The following SHC4 variants were observed in gnomAD, a reference collection of about 807,000 sequenced individuals.
SHC4 encodes SHC-transforming protein 4.
In SHC4, 41 loss-of-function variants were observed where a neutral mutation model predicts 69.4. The ratio of observed to expected loss-of-function variants is 0.59; its 90% CI spans 0.46 to 0.77. The LOEUF (loss-of-function observed/expected upper bound fraction) is 0.77, where lower values mean the gene tolerates loss of function less well. Ranked by LOEUF, SHC4 falls within the 30% of genes least tolerant of loss-of-function variation. The pLI is 0.00. For missense variants in SHC4, 777 were observed against 783.8 expected (o/e 0.99, Z 0.10); for synonymous variants, 318 against 299.3 (o/e 1.06, Z -0.64).
At position 48,963,154 on chromosome 15, in the gene SHC4, C is replaced by T; in HGVS notation, c.-139G>A. ...TCTCCAACTCTGCTCTCGAGCTCGC[C>T]CACCTCGGCTCCCGGCCCCTTAAGG... On this transcript the variant is annotated 5_prime_UTR_variant, in exon 1 of 12. Coordinates refer to ENST00000332408, the MANE Select transcript of SHC4 (RefSeq NM_203349.4). 1 of 879,818 alleles carries T rather than the reference C, an allele frequency of 1.1e-6. No individual in the cohort carries two copies. The highest frequency in any genetic ancestry group is 1.7e-6 in the Non-Finnish European group (1 of 588,934). 54.5% of individuals were successfully genotyped at this position (879,818 alleles called of 1,614,324 possible). A position where few individuals can be genotyped will look rare whatever the true frequency, so the allele number is the denominator to read the frequency against.
chr15:48,910,085 G>C (rs186291615), intron 2 of SHC4, among the ~76,000 whole-genome samples: 1 of 152,168 alleles, frequency 6.6e-6, no homozygotes, highest in East Asian at 1.9e-4. Flanking sequence ...GAATTAACAA[G>C]GTATGCTTCT....
chr15:48,844,268 CATT>C (rs1452663994), intron 9 of SHC4, among the ~76,000 whole-genome samples: 1 of 152,192 alleles, frequency 6.6e-6, no homozygotes, highest in Non-Finnish European at 1.5e-5. Context: ...CTATTCTACA[CATT>C]GTAGCCCAAA....
intron 9 of SHC4, among the ~76,000 whole-genome samples, chr15:48,848,605 T>C (rs894210679): frequency 2.6e-5 from 4 of 152,212 alleles, no homozygotes; most frequent in Non-Finnish European, 4.4e-5. Context: ...CAAACTTTTA[T>C]TAAAGTCTGT....
At chr15:48,908,548 A>G (rs970365024) in intron 2 of SHC4, among the ~76,000 whole-genome samples, 1 of 152,070 alleles carries the variant, frequency 6.6e-6, no homozygotes, top group Non-Finnish European at 1.5e-5. Context: ...AAAGCTCTTT[A>G]GTTTAATTAG....
intron 1 of SHC4, among the ~76,000 whole-genome samples, chr15:48,942,331 G>T (rs1013277666): frequency 4.6e-5 from 7 of 152,042 alleles, no homozygotes; most frequent in Non-Finnish European, 8.8e-5. Context: ...TAAGCTATTC[G>T]ATCACAAACA....
chr15:48,834,085 G>A (rs80091929), intron 11 of SHC4, among the ~76,000 whole-genome samples: 6,275 of 152,136 alleles, frequency 0.041, 271 homozygotes, highest in East Asian at 0.21. Flanking sequence ...CCCACTGCCT[G>A]GCAAATTAGG....
intron 11 of SHC4, among the ~76,000 whole-genome samples, chr15:48,832,945 T>C (rs567072836): frequency 2.0e-5 from 3 of 152,206 alleles, no homozygotes; most frequent in Admixed American, 6.5e-5. Context: ...ACTTTGTTCA[T>C]GGATGGTATT....
Position 48,962,524 on chromosome 15 carries a change from C to T in SHC4, c.492G>A (p.Pro164=). 6 of 1,589,058 alleles carry T rather than the reference C, an allele frequency of 3.8e-6. No homozygotes were observed. The highest frequency in any genetic ancestry group is 1.2e-5 in the South Asian group (1 of 86,914). Residue 164 remains proline (P), a synonymous_variant, in exon 1 of 12, where the codon CCG becomes CCA. Transcript: ENST00000332408. ...RATALTPDSC[P]LPGPGEPTLR... Reference sequence around the variant, plus strand: ...GTGTTGGCTCCCCAGGGCCAGGAAGCGGGCACGAATCAGGGGTTAGGGCGG... The same window carrying T: ...GTGTTGGCTCCCCAGGGCCAGGAAGTGGGCACGAATCAGGGGTTAGGGCGG...
rs372332243 is a variant in SHC4 at position 48,896,460 on chromosome 15, A to C, written c.657-5649T>G. Among the ~76,000 whole-genome samples the C allele has an allele frequency of 1.9e-4, 29 of 152,118 alleles. No individual in the cohort carries two copies. In the East Asian group the frequency reaches 2.3e-3, roughly 12 times the overall value. On this transcript the variant is annotated intron_variant, in intron 2 of 11. Coordinates refer to ENST00000332408, the MANE Select transcript of SHC4 (RefSeq NM_203349.4). ...CTCAGCCTCCCAAGTAGCTGGAATT[A>C]CAGGTGCCTGCCACCATGCCCGGCT...
intron 1 of SHC4, among the ~76,000 whole-genome samples, chr15:48,955,138 C>A (rs1013416565): frequency 6.6e-6 from 1 of 152,082 alleles, no homozygotes; most frequent in Non-Finnish European, 1.5e-5. Flanking sequence ...TGTCCCTTTG[C>A]GTAAAAGAAA....
At chr15:48,875,914 T>A (rs140867360) in intron 4 of SHC4, among the ~76,000 whole-genome samples, 55 of 152,310 alleles carry the variant, frequency 3.6e-4, no homozygotes, top group African/African-American at 1.1e-3. Flanking sequence ...ATCAACCATA[T>A]TATACATGCC....
chr15:48,855,871 T>C, intron 8 of SHC4, 82 bp downstream of exon 8: 1 of 1,426,128 alleles, frequency 7.0e-7, no homozygotes, highest in Non-Finnish European at 9.5e-7. Flanking sequence ...TAAACTAGCA[T>C]TTGGAAATCC....
chr15:48,906,369 G>A (rs910554510), intron 2 of SHC4, among the ~76,000 whole-genome samples: 31 of 152,092 alleles, frequency 2.0e-4, no homozygotes, highest in African/African-American at 6.8e-4. Context: ...CTTTTGAGGT[G>A]GAAATCTATT....
chr15:48,877,812 A>G, intron 4 of SHC4: 1 of 183,106 alleles, frequency 5.5e-6, no homozygotes. Flanking sequence ...TGCCCAGGGG[A>G]AGAGGAAGGG....
rs1378127309 is a variant in SHC4 at position 48,825,383 on chromosome 15, A to C, written c.*588T>G. On this transcript the variant is annotated 3_prime_UTR_variant, in exon 12 of 12. Coordinates refer to ENST00000332408, the MANE Select transcript of SHC4 (RefSeq NM_203349.4). The stretch of plus-strand genomic sequence containing the variant: ...CAGACAGCCATGTTAGTGGCTTTTG[A>C]TTTGATTCCACTGACATACACACAG... The C allele has an allele frequency of 1.3e-5, 2 of 152,236 alleles. No homozygotes were observed. Among genetic ancestry groups the C allele is most frequent in the African/African-American group, 4.8e-5 (2 of 41,436 alleles). The allele number at this position is 152,236 out of a possible 1,614,324, so 9.4% of individuals were successfully genotyped here. A position where few individuals can be genotyped will look rare whatever the true frequency, so the allele number is the denominator to read the frequency against.
intron 10 of SHC4, 118 bp downstream of exon 10, chr15:48,843,291 G>A (rs1899026572): frequency 2.0e-6 from 2 of 1,002,822 alleles, no homozygotes; most frequent in Non-Finnish European, 3.0e-6. Context: ...AACCAACCCT[G>A]CTGACACTTT....
At chr15:48,923,901 G>A (rs930463470) in intron 2 of SHC4, among the ~76,000 whole-genome samples, 3 of 152,052 alleles carry the variant, frequency 2.0e-5, no homozygotes, top group African/African-American at 7.2e-5. Context: ...TCAGCCTTCT[G>A]AGTTGCTGGG....
intron 2 of SHC4, among the ~76,000 whole-genome samples, chr15:48,923,191 A>C (rs990969000): frequency 3.3e-5 from 5 of 152,220 alleles, no homozygotes; most frequent in African/African-American, 1.2e-4. Context: ...GGCACATTTC[A>C]TGGAACCCTA....
chr15:48,857,239 C>T (rs1315853588), intron 7 of SHC4, among the ~76,000 whole-genome samples: 1 of 152,050 alleles, frequency 6.6e-6, no homozygotes, highest in Non-Finnish European at 1.5e-5. Context: ...ATTTACATTG[C>T]AAACCAACTG....
Sources: allele counts gnomAD v4.1 joint callset (sites outside exome capture counted in the v4.1 genomes callset), GRCh38; gene constraint gnomAD v4.1.1; transcripts MANE v1.5; gene names NCBI Gene and HGNC (gene_info 2026-07-23, HGNC 2026-07-21).